Variants in AP1B1 observed in about 807,000 individuals in gnomAD.
The protein encoded by AP1B1 is adaptor related protein complex 1 subunit beta 1, also known as AP-1 complex subunit beta-1.
AP1B1 carries 36 observed loss-of-function variants against 104.3 expected under a neutral mutation model. That is an observed-to-expected ratio of 0.35 (90% CI 0.26 to 0.46). The LOEUF is 0.46. AP1B1 is among the 20% of genes least tolerant of loss of function. The pLI, the probability that AP1B1 is intolerant of heterozygous loss-of-function variation, is 1.00. For missense variants in AP1B1, 901 were observed against 1,247.9 expected, an observed-to-expected ratio of 0.72 and a Z score of 4.19; for synonymous variants, 504 against 517.5, an observed-to-expected ratio of 0.97 and a Z score of 0.35.
At chr22:29,373,100 A>T (rs5763171) in intron 1 of AP1B1, among the ~76,000 whole-genome samples, 46,343 of 151,890 alleles carry the variant, frequency 0.31, 7,598 homozygotes, top group East Asian at 0.67. Flanking sequence ...GGCTTGGGAA[A>T]CATGGTGAAA....
chr22:29,330,317 C>T lies in AP1B1; in HGVS notation c.2766+61G>A, dbSNP rs370402901. On this transcript the variant is annotated intron_variant, in intron 21 of 22. Coordinates refer to ENST00000357586, the MANE Select transcript of AP1B1 (RefSeq NM_001127.4). ...TGGACCGCGTCCTCCACCAGGGCCA[C>T]CCCCTGGCATGGGACGAAGGGGAGG... 289 of 1,602,080 alleles carry T rather than the reference C, an allele frequency of 1.8e-4. 1 individual carries two copies. The highest frequency in any genetic ancestry group is 2.3e-4 in the Non-Finnish European group (275 of 1,174,228).
intron 13 of AP1B1, 70 bp from the exon 14 acceptor site, chr22:29,340,927 A>T (rs553420954): frequency 3.4e-6 from 5 of 1,470,928 alleles, no homozygotes; most frequent in Non-Finnish European, 4.6e-6. Flanking sequence ...CCCAGCCTCC[A>T]GGCAGAGCTG....
chr22:29,349,132 G>A, intron 11 of AP1B1, 86 bp downstream of exon 11: 1 of 1,508,256 alleles, frequency 6.6e-7, no homozygotes, highest in Non-Finnish European at 9.0e-7. Flanking sequence ...CGAGGTAATA[G>A]GAAGGGAGGG....
At position 29,330,643 on chromosome 22, in the gene AP1B1, C is replaced by T; in HGVS notation, c.2591G>A (p.Arg864Lys). 3 of 1,613,984 alleles carry T rather than the reference C, an allele frequency of 1.9e-6. No individual in the cohort carries two copies. The highest frequency in any genetic ancestry group is 2.5e-6 in the Non-Finnish European group (3 of 1,180,008). The change falls in exon 20 of 23, where the codon AGA becomes AAA. Residue 864 changes from arginine (R) to lysine (K), a missense_variant. Physicochemically the swap from Arg to Lys is conservative, Grantham distance 26. This residue lies in a region of AP1B1 where 424 missense variants were observed against 494.0 expected (regional missense o/e 0.86). Coordinates refer to ENST00000357586, the MANE Select transcript of AP1B1 (RefSeq NM_001127.4). Reference protein sequence around the residue: ...PNENEAQFQIRDCPLNAEAAS... With the variant: ...PNENEAQFQIKDCPLNAEAAS... The stretch of plus-strand genomic sequence containing the variant: ...CTCACCTGCATTGAGGGGGCAGTCT[C>T]TGATCTGGAACTGGGCCTCATTCTC...
chr22:29,356,498 G>A lies in AP1B1; in HGVS notation c.644C>T (p.Thr215Ile). Residue 215 changes from threonine (T) to isoleucine (I), a missense_variant, in exon 6 of 23, where the codon ACC becomes ATC. Coordinates refer to ENST00000357586, the MANE Select transcript of AP1B1 (RefSeq NM_001127.4). Reference protein sequence around the residue: ...NKLLTALNECTEWGQIFILDC... With the variant: ...NKLLTALNECIEWGQIFILDC... Reference sequence around the variant, plus strand: ...CAGGATGAAGATCTGGCCCCACTCGGTGCACTCATTGAGGGCTGTCAGCAG... The same window carrying A: ...CAGGATGAAGATCTGGCCCCACTCGATGCACTCATTGAGGGCTGTCAGCAG... 6.2e-7 allele frequency: 1 copy of A among 1,614,234 alleles called. No individual in the cohort carries two copies. Among genetic ancestry groups the A allele is most frequent in the East Asian group, 2.2e-5 (1 of 44,888 alleles).
In AP1B1 at chr22:29,351,229, T is replaced by A; in HGVS notation, c.1097A>T (p.Asp366Val). Residue 366 changes from aspartate to valine, a missense_variant, in exon 9 of 23, where the codon GAT becomes GTT. This residue lies in a region of AP1B1 where 471 missense variants were observed against 696.7 expected (regional missense o/e 0.68). Coordinates refer to ENST00000357586, the MANE Select transcript of AP1B1 (RefSeq NM_001127.4). ...CACAGCCTTCCGTACAAAGTCCACA[T>A]CCACTTCTGTTGCGTACTCTTTCAG... Reference protein sequence around the residue: ...AELKEYATEVDVDFVRKAVRA... With the variant: ...AELKEYATEVVVDFVRKAVRA... 1 of 1,614,196 alleles carries A rather than the reference T, an allele frequency of 6.2e-7. No individual in the cohort carries two copies. The highest frequency in any genetic ancestry group is 8.5e-7 in the Non-Finnish European group (1 of 1,180,036).
intron 1 of AP1B1, among the ~76,000 whole-genome samples, chr22:29,382,607 G>C (rs2062454821): frequency 6.6e-6 from 1 of 152,170 alleles, no homozygotes; most frequent in African/African-American, 2.4e-5. Context: ...AGGAGGGAAG[G>C]AGGATAGGGA....
At chr22:29,352,696 G>A (rs1288490931) in intron 7 of AP1B1, among the ~76,000 whole-genome samples, 4 of 152,152 alleles carry the variant, frequency 2.6e-5, no homozygotes, top group Non-Finnish European at 4.4e-5. Context: ...TGGGAGGCTG[G>A]GGCAGGAGGA....
At chr22:29,331,109 T>C (rs749343250) in intron 19 of AP1B1, among the ~76,000 whole-genome samples, 109 of 152,196 alleles carry the variant, frequency 7.2e-4, no homozygotes, top group Non-Finnish European at 4.9e-4. Context: ...ACACCCTTCT[T>C]GGGGGTTCCA....
chr22:29,330,280 T>TG, intron 21 of AP1B1, 98 bp downstream of exon 21: 1 of 1,567,550 alleles, frequency 6.4e-7, no homozygotes, highest in South Asian at 1.1e-5. Flanking sequence ...AAGCCAGGCT[T>TG]GAAGGGACGC....
In AP1B1 at chr22:29,351,902, G is replaced by A. The variant is rs949396144; in HGVS notation, c.939-77C>T. ...TGAGAAAATGCCCTCCACATTTGCT[G>A]GGACATTTCTGGGGTCTGAGGTGGA... On this transcript the variant is annotated intron_variant, in intron 7 of 22. Transcript: ENST00000357586. 5 of 1,567,854 alleles carry A rather than the reference G, an allele frequency of 3.2e-6. No homozygotes were observed. The African/African-American group carries it at 6.7e-5, about 21-fold the overall frequency.
intron 16 of AP1B1, 95 bp downstream of exon 16, chr22:29,338,895 A>G: frequency 3.3e-6 from 5 of 1,535,222 alleles, no homozygotes; most frequent in Non-Finnish European, 4.4e-6. Context: ...TGCTGGCCTG[A>G]GCCAATTCCA....
chr22:29,349,530 T>C (rs2061841883), intron 10 of AP1B1, 147 bp from the exon 11 acceptor site: 3 of 818,418 alleles, frequency 3.7e-6, no homozygotes, highest in Non-Finnish European at 5.6e-6. Context: ...GTTTTTTTTT[T>C]TGAGATGGAG....
chr22:29,383,568 G>A (rs2062471282), intron 1 of AP1B1, among the ~76,000 whole-genome samples: 1 of 151,926 alleles, frequency 6.6e-6, no homozygotes, highest in Non-Finnish European at 1.5e-5. Flanking sequence ...AATTAGCCGG[G>A]CGTGGTGGCG....
At position 29,342,401 on chromosome 22, in the gene AP1B1, G is replaced by A; in HGVS notation, c.1438-18C>T. ...AGCTGGACCTGCAGGGAACAGCGGT[G>A]ACGAGGAGGAAGTGTGGGCCTCACA... On this transcript the variant is annotated intron_variant, in intron 11 of 22. Transcript: ENST00000357586. The A allele has an allele frequency of 6.2e-7, 1 of 1,604,854 alleles. No homozygotes were observed. Among genetic ancestry groups the A allele is most frequent in the Non-Finnish European group, 8.5e-7 (1 of 1,172,152 alleles).
At chr22:29,387,563 C>T (rs2062548822) in intron 1 of AP1B1, among the ~76,000 whole-genome samples, 1 of 152,186 alleles carries the variant, frequency 6.6e-6, no homozygotes, top group African/African-American at 2.4e-5. Context: ...GCCTCAGCTT[C>T]CCAAAGTGCT....
At chr22:29,374,395 C>T (rs2062298951) in intron 1 of AP1B1, among the ~76,000 whole-genome samples, 2 of 152,050 alleles carry the variant, frequency 1.3e-5, no homozygotes, top group South Asian at 2.1e-4. Flanking sequence ...AGCCAAAAGC[C>T]GTATGATAAA....
chr22:29,351,529 G>C (rs541241999), intron 8 of AP1B1, 176 bp downstream of exon 8: 3 of 914,506 alleles, frequency 3.3e-6, no homozygotes, highest in Non-Finnish European at 3.3e-6. Context: ...ACATTCTTTA[G>C]TAATAAAAAC....
intron 1 of AP1B1, among the ~76,000 whole-genome samples, chr22:29,375,090 C>T (rs1259123255): frequency 1.3e-5 from 2 of 152,226 alleles, no homozygotes; most frequent in Non-Finnish European, 2.9e-5. Flanking sequence ...GTGGCTCATG[C>T]CTGTGATCCC....
Sources: gnomAD v4.1 joint callset for allele counts (sites outside exome capture counted in the v4.1 genomes callset) on GRCh38, gnomAD v4.1.1 for gene constraint, gnomAD v4.1.1 regional missense constraint, MANE v1.5 for transcripts, NCBI Gene and HGNC (gene_info 2026-07-23, HGNC 2026-07-21) for gene names.